Variants in FNDC3B observed in about 807,000 individuals in gnomAD.
FNDC3B encodes the protein fibronectin type III domain containing 3B.
FNDC3B carries 12 observed loss-of-function variants against 151.5 expected under a neutral mutation model. The observed-to-expected ratio is 0.08, with a 90% CI of 0.05 to 0.13. The LOEUF (loss-of-function observed/expected upper bound fraction) is 0.13. Among genes scored for constraint, FNDC3B ranks in the 10% least tolerant of loss-of-function variants. The pLI is 1.00. For synonymous variants in FNDC3B, 528 were observed against 549.0 expected, an observed-to-expected ratio of 0.96 and a Z score of 0.54; for missense variants, 1,214 against 1,505.3, an observed-to-expected ratio of 0.81 and a Z score of 3.20.
intron 1 of FNDC3B, among the ~76,000 whole-genome samples, chr3:172,100,420 T>C (rs1211916847): frequency 6.6e-6 from 1 of 152,244 alleles, no homozygotes; most frequent in East Asian, 1.9e-4. Context: ...CATTCTTATC[T>C]ATTAAATAAA....
At chr3:172,380,619 T>A (rs1035575697) in intron 24 of FNDC3B, among the ~76,000 whole-genome samples, 2 of 152,216 alleles carry the variant, frequency 1.3e-5, no homozygotes, top group East Asian at 3.8e-4. Context: ...AAAACAGGGT[T>A]TACCTTGCCT....
chr3:172,241,905 T>C (rs1443675693), intron 4 of FNDC3B, among the ~76,000 whole-genome samples: 2 of 152,222 alleles, frequency 1.3e-5, no homozygotes, highest in African/African-American at 4.8e-5. Flanking sequence ...GCAAGTCCCT[T>C]CTACCTATCT....
chr3:172,380,437 T>C (rs1735378753), intron 24 of FNDC3B, among the ~76,000 whole-genome samples: 1 of 152,188 alleles, frequency 6.6e-6, no homozygotes, highest in Non-Finnish European at 1.5e-5. Flanking sequence ...TGTTCTCACA[T>C]GTCACCTGCT....
intron 3 of FNDC3B, among the ~76,000 whole-genome samples, chr3:172,166,941 C>A (rs1392019723): frequency 6.6e-6 from 1 of 152,056 alleles, no homozygotes; most frequent in African/African-American, 2.4e-5. Context: ...ACGAAAGAAG[C>A]ACATTTAGAT....
intron 1 of FNDC3B, among the ~76,000 whole-genome samples, chr3:172,092,490 C>G (rs914744529): frequency 2.0e-5 from 3 of 152,164 alleles, no homozygotes; most frequent in African/African-American, 7.2e-5. Context: ...GGCTGTTTGC[C>G]TGGAGTCTTT....
chr3:172,275,117 G>A (rs1427020597), intron 6 of FNDC3B, among the ~76,000 whole-genome samples: 1 of 152,120 alleles, frequency 6.6e-6, no homozygotes, highest in Non-Finnish European at 1.5e-5. Flanking sequence ...GCTCACTGTT[G>A]TCTAGGGTTT....
chr3:172,170,707 C>T lies in FNDC3B; in HGVS notation c.187+37161C>T, dbSNP rs74429669. 1.8e-3 allele frequency among the ~76,000 whole-genome samples: 273 copies of T among 152,222 alleles called. 2 individuals are homozygous for T. Among genetic ancestry groups the T allele is most frequent in the African/African-American group, 6.2e-3 (257 of 41,548 alleles). ...TTGTATATTGTTTCGACTCCTTTTG[C>T]GTGGTTGTCTTCTCCAAGCTGCCTA... On this transcript the variant is annotated intron_variant, in intron 3 of 25. Coordinates refer to ENST00000415807, the MANE Select transcript of FNDC3B (RefSeq NM_022763.4).
chr3:172,053,776 CAA>C (rs562005467), intron 1 of FNDC3B, among the ~76,000 whole-genome samples: 15,774 of 113,344 alleles, frequency 0.14, 976 homozygotes, highest in Non-Finnish European at 0.19. Flanking sequence ...AACTCCGTCT[CAA>C]AAAAAAAAAA....
chr3:172,199,706 C>T (rs1439696505), intron 3 of FNDC3B, among the ~76,000 whole-genome samples: 1 of 152,100 alleles, frequency 6.6e-6, no homozygotes, highest in Non-Finnish European at 1.5e-5. Context: ...ACAAAGACCC[C>T]AAACATTTCT....
At chr3:172,369,120 A>T (rs1734765200) in intron 23 of FNDC3B, among the ~76,000 whole-genome samples, 1 of 152,238 alleles carries the variant, frequency 6.6e-6, no homozygotes. Context: ...GCACAGACAG[A>T]GGTGAGAGGT....
At chr3:172,160,920 A>G (rs1348709542) in intron 3 of FNDC3B, among the ~76,000 whole-genome samples, 2 of 152,218 alleles carry the variant, frequency 1.3e-5, no homozygotes, top group Non-Finnish European at 2.9e-5. Flanking sequence ...GAACTTTCCA[A>G]TGTGCATAGT....
chr3:172,380,510 G>A (rs765703345), intron 24 of FNDC3B, among the ~76,000 whole-genome samples: 10 of 152,170 alleles, frequency 6.6e-5, no homozygotes, highest in Middle Eastern at 3.4e-3. Context: ...AATTCCCAAC[G>A]TTTTGTTTGT....
At chr3:172,091,649 G>T (rs1183936172) in intron 1 of FNDC3B, among the ~76,000 whole-genome samples, 1 of 152,146 alleles carries the variant, frequency 6.6e-6, no homozygotes, top group Non-Finnish European at 1.5e-5. Flanking sequence ...AAGTAACTTT[G>T]TCACTGCAGT....
chr3:172,059,708 AAAAGT>A (rs1717095570), intron 1 of FNDC3B, among the ~76,000 whole-genome samples: 1 of 152,208 alleles, frequency 6.6e-6, no homozygotes, highest in Non-Finnish European at 1.5e-5. Flanking sequence ...TTTGCCATGG[AAAAGT>A]AATCATGGAA....
intron 4 of FNDC3B, among the ~76,000 whole-genome samples, chr3:172,240,992 A>AT: frequency 1.3e-5 from 2 of 152,252 alleles, no homozygotes; most frequent in East Asian, 3.9e-4. Flanking sequence ...CACGTAGAAG[A>AT]TTTTTTGTAA....
chr3:172,232,974 G>A (rs965799600), intron 4 of FNDC3B, among the ~76,000 whole-genome samples: 1 of 152,228 alleles, frequency 6.6e-6, no homozygotes, highest in African/African-American at 2.4e-5. Flanking sequence ...GTTTGGCAGA[G>A]CTTGCCCTCC....
At chr3:172,304,653 T>C (rs1731100724) in intron 9 of FNDC3B, among the ~76,000 whole-genome samples, 1 of 152,092 alleles carries the variant, frequency 6.6e-6, no homozygotes, top group South Asian at 2.1e-4. Context: ...TCCCAGCACT[T>C]TGGGAGGCCA....
intron 1 of FNDC3B, among the ~76,000 whole-genome samples, chr3:172,091,090 C>T (rs1031938527): frequency 6.6e-6 from 1 of 152,106 alleles, no homozygotes; most frequent in East Asian, 1.9e-4. Context: ...TCTTCATTGC[C>T]TATGAAGAGT....
At chr3:172,077,817 A>G (rs1718089642) in intron 1 of FNDC3B, among the ~76,000 whole-genome samples, 1 of 152,296 alleles carries the variant, frequency 6.6e-6, no homozygotes, top group Admixed American at 6.5e-5. Flanking sequence ...ATTAACATTT[A>G]CCTAAAAAAT....
Sources: allele counts gnomAD v4.1 joint callset (sites outside exome capture counted in the v4.1 genomes callset), GRCh38; gene constraint gnomAD v4.1.1; transcripts MANE v1.5; gene names NCBI Gene and HGNC (gene_info 2026-07-23, HGNC 2026-07-21).